Variants in PKHD1 observed in about 807,000 individuals in gnomAD.
PKHD1 encodes the protein fibrocystin.
PKHD1 carries 291 observed loss-of-function variants against 412.0 expected under a neutral mutation model. The ratio of observed to expected loss-of-function variants is 0.71; its 90% confidence interval spans 0.64 to 0.78. The LOEUF (loss-of-function observed/expected upper bound fraction) is 0.78, where lower values mean the gene tolerates loss of function less well. Among genes scored for constraint, PKHD1 ranks in the 30% least tolerant of loss-of-function variants. PKHD1 has a pLI of 0.00. For synonymous variants in PKHD1, 1,777 were observed against 1,821.5 expected, an observed-to-expected ratio of 0.98 and a Z score of 0.62; for missense variants, 4,825 against 4,950.7, an observed-to-expected ratio of 0.97 and a Z score of 0.76.
At chr6:51,687,455 A>T (rs1582087169) in intron 60 of PKHD1, among the ~76,000 whole-genome samples, 1 of 152,228 alleles carries the variant, frequency 6.6e-6, no homozygotes, top group South Asian at 2.1e-4. Flanking sequence ...TATTCTACAG[A>T]TAACTAAACC....
chr6:51,629,136 A>T (rs2771021), intron 65 of PKHD1, among the ~76,000 whole-genome samples: 6,512 of 152,082 alleles, frequency 0.043, 234 homozygotes, highest in African/African-American at 0.093. Context: ...AGAAATACCA[A>T]TCTGGACATA....
rs548467426 is a variant in PKHD1, at chr6:51,679,493, A to G, written c.10157-19524T>C. ...GAATGTTCCCAGCTCCTGAGTGCCC[A>G]TGACTCACAGAAGGTAAATTTCTCC... On this transcript the variant is annotated intron_variant, in intron 60 of 66. Transcript: ENST00000371117. Among the ~76,000 whole-genome samples, 20 of 151,598 alleles carry G rather than the reference A, an allele frequency of 1.3e-4. No homozygotes were observed. The South Asian group carries it at 4.0e-3, about 30-fold the overall frequency.
At chr6:51,654,804 A>C (rs1435806745) in intron 61 of PKHD1, among the ~76,000 whole-genome samples, 39 of 152,134 alleles carry the variant, frequency 2.6e-4, no homozygotes, top group Admixed American at 1.6e-3. Flanking sequence ...AGGATTGTGA[A>C]GTAAATGACA....
At chr6:52,073,912 A>G (rs1176501988) in intron 6 of PKHD1, among the ~76,000 whole-genome samples, 3 of 152,112 alleles carry the variant, frequency 2.0e-5, no homozygotes, top group African/African-American at 7.2e-5. Flanking sequence ...CATCTACCCA[A>G]CACGAGATTT....
At chr6:51,786,585 G>A (rs1463471612) in intron 53 of PKHD1, among the ~76,000 whole-genome samples, 7 of 152,118 alleles carry the variant, frequency 4.6e-5, no homozygotes, top group Non-Finnish European at 1.0e-4. Context: ...CTACAATCCA[G>A]ACATACCCAT....
At chr6:51,696,850 A>C (rs1778859794) in intron 60 of PKHD1, among the ~76,000 whole-genome samples, 3 of 152,166 alleles carry the variant, frequency 2.0e-5, no homozygotes, top group African/African-American at 2.4e-5. Flanking sequence ...TAACTGTAAA[A>C]GAGAAGAGAG....
At chr6:51,810,756 C>T (rs1764567141) in intron 52 of PKHD1, among the ~76,000 whole-genome samples, 1 of 152,122 alleles carries the variant, frequency 6.6e-6, no homozygotes, top group African/African-American at 2.4e-5. Context: ...CAGAAGCTGG[C>T]ACTGCACGTG....
chr6:51,750,506 AG>A (rs1460200184), intron 57 of PKHD1, among the ~76,000 whole-genome samples: 2 of 152,170 alleles, frequency 1.3e-5, no homozygotes, highest in African/African-American at 2.4e-5. Flanking sequence ...AGATAAATAA[AG>A]AGATGTGTAG....
chr6:51,902,167 G>A (rs1247673725), intron 43 of PKHD1, among the ~76,000 whole-genome samples: 1 of 152,152 alleles, frequency 6.6e-6, no homozygotes, highest in Non-Finnish European at 1.5e-5. Context: ...TCAACATTAT[G>A]CTACCCAGAA....
intron 35 of PKHD1, among the ~76,000 whole-genome samples, chr6:51,983,798 C>CG (rs1430891967): frequency 6.6e-6 from 1 of 152,242 alleles, no homozygotes; most frequent in African/African-American, 2.4e-5. Flanking sequence ...GCTTCCAGCA[C>CG]TGCACCACCC....
At chr6:51,859,525 C>CA (rs10638642) in intron 48 of PKHD1, among the ~76,000 whole-genome samples, 53,760 of 114,702 alleles carry the variant, frequency 0.47, 12,831 homozygotes, top group Middle Eastern at 0.59. Context: ...GATTCCGTCC[C>CA]AAAAAAAAAA....
At chr6:51,620,603 A>G (rs2150246506) in intron 66 of PKHD1, among the ~76,000 whole-genome samples, 1 of 152,076 alleles carries the variant, frequency 6.6e-6, no homozygotes. Flanking sequence ...TCCTTAACTT[A>G]TTAAGCTTTT....
At chr6:51,906,683 T>G (rs1213323353) in intron 40 of PKHD1, among the ~76,000 whole-genome samples, 2 of 152,206 alleles carry the variant, frequency 1.3e-5, no homozygotes, top group East Asian at 3.9e-4. Flanking sequence ...AGATGAGAAG[T>G]TAAGGATAAC....
At chr6:52,027,441 A>G (rs763590669) in intron 31 of PKHD1, among the ~76,000 whole-genome samples, 1 of 150,938 alleles carries the variant, frequency 6.6e-6, no homozygotes, top group Non-Finnish European at 1.5e-5. Context: ...CTGAGGCTGG[A>G]TAATTACTTG....
intron 49 of PKHD1, among the ~76,000 whole-genome samples, chr6:51,853,807 G>A (rs1273641921): frequency 6.6e-6 from 1 of 151,444 alleles, no homozygotes; most frequent in Non-Finnish European, 1.5e-5. Flanking sequence ...ATTCTAGTTA[G>A]CAATTCCTCT....
chr6:51,754,673 G>A, intron 56 of PKHD1, 111 bp downstream of exon 56: 1 of 858,984 alleles, frequency 1.2e-6, no homozygotes, highest in Non-Finnish European at 2.0e-6. Context: ...CAACAGGAAG[G>A]CATTGTTCTT....
intron 61 of PKHD1, among the ~76,000 whole-genome samples, chr6:51,654,916 G>C (rs1406084859): frequency 6.6e-6 from 1 of 151,966 alleles, no homozygotes; most frequent in Admixed American, 6.6e-5. Context: ...TTTTTTTAAC[G>C]ATTAAGAGTT....
chr6:52,061,949 TA>T (rs1412080693), intron 14 of PKHD1, among the ~76,000 whole-genome samples: 1 of 152,150 alleles, frequency 6.6e-6, no homozygotes, highest in Non-Finnish European at 1.5e-5. Context: ...TTGAAGGGAC[TA>T]AAAAGACTAA....
chr6:51,911,815 C>T lies in PKHD1; in HGVS notation c.6474G>A (p.Glu2158=), dbSNP rs758723076. 4.3e-6 allele frequency: 7 copies of T among 1,612,940 alleles called. No individual in the cohort carries two copies. The Admixed American group carries it at 1.0e-4, about 23-fold the overall frequency. ...EREKLLVSCQ[E]ANAPEGNLQH... is the part of the protein sequence containing the mutation. ...CTCTTCTACCTTCTGGAGCATTGGCCTCCTGGCATGAAACAAGCAGCTTCT... is the reference window on the plus strand; with the variant it reads ...CTCTTCTACCTTCTGGAGCATTGGCTTCCTGGCATGAAACAAGCAGCTTCT... Residue 2158 remains glutamate (E), a synonymous_variant, in exon 39 of 67, where the codon GAG becomes GAA. Transcript: ENST00000371117.
Sources: allele counts gnomAD v4.1 joint callset (sites outside exome capture counted in the v4.1 genomes callset), GRCh38; gene constraint gnomAD v4.1.1; transcripts MANE v1.5; gene names NCBI Gene and HGNC (gene_info 2026-07-23, HGNC 2026-07-21).